FAM228B: variants seen among roughly 807,000 people sequenced by gnomAD.
FAM228B encodes the protein family with sequence similarity 228 member B.
A neutral mutation model predicts 42.6 loss-of-function variants in FAM228B; 38 were observed. The observed-to-expected ratio is 0.89, with a 90% CI of 0.69 to 1.17. FAM228B has a LOEUF of 1.17. FAM228B is among the 50% of genes most tolerant of loss of function. The pLI is 0.00. For missense variants in FAM228B, 344 were observed against 367.3 expected, an observed-to-expected ratio of 0.94 and a Z score of 0.52; for synonymous variants, 109 against 122.3, an observed-to-expected ratio of 0.89 and a Z score of 0.72.
intron 3 of FAM228B, among the ~76,000 whole-genome samples, chr2:24,100,662 G>A (rs144689489): frequency 0.14 from 21,593 of 152,216 alleles, 1,914 homozygotes; most frequent in South Asian, 0.21. Context: ...TACACTGTTG[G>A]TGGGAGTGTA....
At position 24,084,115 on chromosome 2, in the gene FAM228B, C is replaced by A; in HGVS notation, c.-210+3160C>A. On this transcript the variant is annotated intron_variant, in intron 2 of 10. Coordinates refer to the FAM228B transcript ENST00000613899. This position sits in a 1 kb window ranked among gnomAD's most constrained non-coding sequence, Gnocchi z 8.4. ...AGCGGTGCACGCCTTCACGTCTGGT[C>A]AATGTCCACTGAGTGCTGTTGAGAG... The A allele has an allele frequency of 1.3e-6, 2 of 1,529,114 alleles. No homozygotes were observed. Among genetic ancestry groups the A allele is most frequent in the South Asian group, 2.5e-5 (2 of 80,098 alleles). 94.7% of individuals were successfully genotyped at this position (1,529,114 alleles called of 1,614,324 possible).
intron 7 of FAM228B, among the ~76,000 whole-genome samples, chr2:24,156,415 C>T (rs757341334): frequency 5.3e-5 from 8 of 151,960 alleles, no homozygotes; most frequent in East Asian, 1.9e-4. Flanking sequence ...GGTAGATCAC[C>T]GGAGGTCAGG....
At chr2:24,150,472 T>A (rs181382027) in intron 7 of FAM228B, among the ~76,000 whole-genome samples, 1 of 152,314 alleles carries the variant, frequency 6.6e-6, no homozygotes, top group Non-Finnish European at 1.5e-5. Flanking sequence ...TCACCCAGGC[T>A]GGAGTGCAGT....
At chr2:24,166,823 C>T (rs933062661) in intron 9 of FAM228B, among the ~76,000 whole-genome samples, 7 of 151,848 alleles carry the variant, frequency 4.6e-5, no homozygotes, top group Non-Finnish European at 1.0e-4. Flanking sequence ...GGGAGTGAGG[C>T]GTGGAGAGAT....
Position 24,146,995 on chromosome 2 carries a change from CA to C in FAM228B, c.598del (p.Ile200PhefsTer8). 6.4e-7 allele frequency: 1 copy of C among 1,551,304 alleles called. No individual in the cohort carries two copies. Among genetic ancestry groups the C allele is most frequent in the Non-Finnish European group, 8.7e-7 (1 of 1,146,732 alleles). On this transcript the variant is annotated frameshift_variant, in exon 7 of 11. Coordinates refer to ENST00000615575, the MANE Select transcript of FAM228B (RefSeq NM_001145710.2). LOFTEE classifies it high-confidence loss of function. ...EKVQLHSRFPQISNSRHFITP... is the reference protein window; with the variant it reads ...EKVQLHSRFPXISNSRHFITP... ...GGTTCAGCTGCATTCCAGATTCCCA[CA>C]AATTTCTAATTCAAGGCACTTTATA...
chr2:24,113,312 C>G (rs1349680092), intron 3 of FAM228B, among the ~76,000 whole-genome samples: 2 of 152,190 alleles, frequency 1.3e-5, no homozygotes, highest in South Asian at 4.1e-4. Context: ...GTGTCTCGCT[C>G]TTGTAATCTC....
chr2:24,085,466 C>G (rs991946411), intron 2 of FAM228B, among the ~76,000 whole-genome samples: 1 of 152,132 alleles, frequency 6.6e-6, no homozygotes, highest in South Asian at 2.1e-4. Context: ...GGCCTCCCCC[C>G]ACTACATATC....
chr2:24,104,320 T>C (rs1025079), intron 3 of FAM228B, among the ~76,000 whole-genome samples: 150,721 of 152,298 alleles, frequency 0.99, 74,588 homozygotes, highest in South Asian at 0.99. Flanking sequence ...AGACGTATTA[T>C]AGGGCCAACT....
chr2:24,118,827 T>C (rs995624104), upstream of FAM228B, among the ~76,000 whole-genome samples: 2 of 152,138 alleles, frequency 1.3e-5, no homozygotes, highest in African/African-American at 4.8e-5. Context: ...TGAATGTTTG[T>C]TGAATGAATG....
chr2:24,158,907 C>T (rs143110870), intron 7 of FAM228B, among the ~76,000 whole-genome samples: 1 of 152,306 alleles, frequency 6.6e-6, no homozygotes, highest in African/African-American at 2.4e-5. Flanking sequence ...GTCCTGGAGG[C>T]TGGAAGACTA....
At chr2:24,138,437 A>G (rs1213303408) in intron 4 of FAM228B, among the ~76,000 whole-genome samples, 2 of 152,114 alleles carry the variant, frequency 1.3e-5, no homozygotes. Flanking sequence ...CACGGCTTCA[A>G]GCAATTCTCC....
At chr2:24,094,447 A>G (rs1391871850) in intron 2 of FAM228B, among the ~76,000 whole-genome samples, 3 of 152,196 alleles carry the variant, frequency 2.0e-5, no homozygotes, top group South Asian at 2.1e-4. Flanking sequence ...AGGATTTCTT[A>G]TTTCTTTTAA....
upstream of FAM228B, chr2:24,122,326 C>CAAAAAA (rs71397404): frequency 7.0e-4 from 526 of 748,614 alleles, 1 homozygote; most frequent in South Asian, 1.1e-3. Flanking sequence ...AATTCCGTCT[C>CAAAAAA]AAAAAAAAAA....
At chr2:24,153,368 G>A (rs1156329239) in intron 7 of FAM228B, among the ~76,000 whole-genome samples, 1 of 152,184 alleles carries the variant, frequency 6.6e-6, no homozygotes, top group Non-Finnish European at 1.5e-5. Context: ...TATCGCTGCT[G>A]CTGGTTTTCA....
In FAM228B at chr2:24,146,991, C is replaced by T. The variant is rs1666910000; in HGVS notation, c.591C>T (p.Phe197=). ...AGAAGGTTCAGCTGCATTCCAGATT[C>T]CCACAAATTTCTAATTCAAGGCACT... The part of the protein sequence containing the change: ...EVEKVQLHSR[F]PQISNSRHFI... Residue 197 remains phenylalanine (F), a synonymous_variant, in exon 7 of 11, where the codon TTC becomes TTT. Transcript: ENST00000615575. 6.4e-7 allele frequency: 1 copy of T among 1,551,278 alleles called. No homozygotes were observed. Among genetic ancestry groups the T allele is most frequent in the African/African-American group, 1.4e-5 (1 of 73,120 alleles).
At chr2:24,104,547 C>T (rs778520568) in intron 3 of FAM228B, among the ~76,000 whole-genome samples, 10 of 152,108 alleles carry the variant, frequency 6.6e-5, no homozygotes, top group Non-Finnish European at 1.0e-4. Flanking sequence ...GGTAGCCAGG[C>T]GGGCAACACC....
Position 24,084,499 on chromosome 2 carries a change from G to A in FAM228B, c.-210+3544G>A. 1 of 878,618 alleles carries A rather than the reference G, an allele frequency of 1.1e-6. No individual in the cohort carries two copies. Among genetic ancestry groups the A allele is most frequent in the East Asian group, 3.1e-5 (1 of 31,870 alleles). The allele number at this position is 878,618 out of a possible 1,614,324, so 54.4% of individuals were successfully genotyped here. A position where few individuals can be genotyped will look rare whatever the true frequency, so the allele number is the denominator to read the frequency against. On this transcript the variant is annotated intron_variant, in intron 2 of 10. Coordinates refer to the FAM228B transcript ENST00000613899. The surrounding 1 kb of genome is among the most constrained non-coding windows in gnomAD (Gnocchi z 8.4). ...CTGCCGGCCAGCGCCTCGCTGCCCT[G>A]GTCTGCCGCGGACCCGGCCTCCGCC...
intron 3 of FAM228B, among the ~76,000 whole-genome samples, chr2:24,114,326 T>C (rs1401975828): frequency 6.6e-6 from 1 of 152,178 alleles, no homozygotes; most frequent in East Asian, 1.9e-4. Flanking sequence ...CTCCAGGTGC[T>C]AGGGTCTCCG....
chr2:24,080,261 T>G lies in FAM228B; in HGVS notation c.-289-615T>G, dbSNP rs1486558790. On this transcript the variant is annotated intron_variant, in intron 1 of 10. Transcript: ENST00000613899. This position sits in a 1 kb window ranked among gnomAD's most constrained non-coding sequence, Gnocchi z 4.7. ...TCTCAGCTACTCAGGAGGCTAAGGC[T>G]GGAGAATCACTTGAACCTGGGAGGC... 1.3e-5 allele frequency among the ~76,000 whole-genome samples: 2 copies of G among 151,362 alleles called. No individual in the cohort carries two copies. The highest frequency in any genetic ancestry group is 4.9e-5 in the African/African-American group (2 of 41,142).
Sources: gnomAD v4.1 joint callset for allele counts (sites outside exome capture counted in the v4.1 genomes callset) on GRCh38, gnomAD v4.1.1 for gene constraint, Gnocchi (gnomAD v3.1) non-coding constraint, MANE v1.5 for transcripts, NCBI Gene and HGNC (gene_info 2026-07-23, HGNC 2026-07-21) for gene names.